The following ZNF93 variants were observed in gnomAD, a reference collection of about 807,000 sequenced individuals.
ZNF93 encodes zinc finger protein 505.
Under a neutral mutation model 45.0 loss-of-function variants are expected in ZNF93, and 29 were observed. The ratio of observed to expected loss-of-function variants is 0.64; its 90% confidence interval spans 0.48 to 0.88. The LOEUF (loss-of-function observed/expected upper bound fraction) is 0.88, where lower values mean the gene tolerates loss of function less well. ZNF93 is among the 40% of genes least tolerant of loss of function. ZNF93 has a pLI of 0.00. For missense variants in ZNF93, 578 were observed against 724.0 expected, an observed-to-expected ratio of 0.80 and a Z score of 2.31; for synonymous variants, 223 against 244.6, an observed-to-expected ratio of 0.91 and a Z score of 0.82.
intron 1 of ZNF93, among the ~76,000 whole-genome samples, 158 bp from the exon 2 acceptor site, chr19:19,915,122 A>C (rs950540443): frequency 3.9e-5 from 6 of 152,210 alleles, no homozygotes; most frequent in African/African-American, 1.4e-4. Flanking sequence ...CAGATAATAC[A>C]TTAGAGAATA....
chr19:19,930,554 G>GCAACGGGCGTCTTCCCAGA (rs1445219107), intron 3 of ZNF93, among the ~76,000 whole-genome samples: 33 of 140,374 alleles, frequency 2.4e-4, no homozygotes, highest in Non-Finnish European at 2.7e-4. Context: ...GGTCTGCTAG[G>GCAACGGGCGTCTTCCCAGA]CAACGGGCGT....
chr19:19,902,668 A>C (rs986725632), intron 1 of ZNF93, among the ~76,000 whole-genome samples: 107 of 151,744 alleles, frequency 7.1e-4, no homozygotes, highest in African/African-American at 2.5e-3. Context: ...GAGAAGGTAC[A>C]GAGCCCCAGA....
At chr19:19,921,612 T>G (rs1400232231) in intron 3 of ZNF93, among the ~76,000 whole-genome samples, 1 of 152,200 alleles carries the variant, frequency 6.6e-6, no homozygotes, top group Non-Finnish European at 1.5e-5. Context: ...ACTTGCTTTA[T>G]GAATCTGGGT....
chr19:19,912,695 A>G (rs1483467985), intron 1 of ZNF93, among the ~76,000 whole-genome samples: 2 of 152,108 alleles, frequency 1.3e-5, no homozygotes, highest in Non-Finnish European at 2.9e-5. Flanking sequence ...CTTTTATTCT[A>G]TACAATTTTT....
intron 3 of ZNF93, among the ~76,000 whole-genome samples, chr19:19,918,536 C>T (rs867184212): frequency 2.0e-5 from 3 of 152,276 alleles, no homozygotes; most frequent in African/African-American, 4.8e-5. Context: ...CACTGACTTC[C>T]ACAATGGTTG....
chr19:19,923,845 C>T (rs2063348555), intron 3 of ZNF93, among the ~76,000 whole-genome samples: 2 of 152,292 alleles, frequency 1.3e-5, no homozygotes, highest in South Asian at 4.1e-4. Context: ...AAAGAGAATT[C>T]CCTGATCCCT....
chr19:19,902,045 G>T (rs918533881), intron 1 of ZNF93, among the ~76,000 whole-genome samples: 1 of 152,064 alleles, frequency 6.6e-6, no homozygotes, highest in South Asian at 2.1e-4. Context: ...CCGAGAGCTT[G>T]CCATTGTACT....
chr19:19,929,316 G>T (rs2063365402), intron 3 of ZNF93, among the ~76,000 whole-genome samples: 1 of 152,090 alleles, frequency 6.6e-6, no homozygotes, highest in Non-Finnish European at 1.5e-5. Context: ...TATAAATTAT[G>T]CACTCTCAAG....
intron 3 of ZNF93, among the ~76,000 whole-genome samples, chr19:19,916,902 T>C (rs557078035): frequency 6.6e-6 from 1 of 152,350 alleles, no homozygotes; most frequent in South Asian, 2.1e-4. Context: ...AAGTTCTCAG[T>C]GAGAGCCACA....
intron 2 of ZNF93, among the ~76,000 whole-genome samples, chr19:19,915,709 G>T (rs1196430482): frequency 6.6e-6 from 1 of 152,066 alleles, no homozygotes. Flanking sequence ...AGGCGTTGTG[G>T]CATGCGGCTG....
chr19:19,919,242 T>C (rs1306199367), intron 3 of ZNF93, among the ~76,000 whole-genome samples: 1 of 152,248 alleles, frequency 6.6e-6, no homozygotes, highest in Non-Finnish European at 1.5e-5. Flanking sequence ...TTGTCAGGTT[T>C]GTCAAAGATC....
At position 19,901,050 on chromosome 19, in the gene ZNF93, A is replaced by T; in HGVS notation, c.-39A>T. 6.2e-7 allele frequency: 1 copy of T among 1,612,696 alleles called. No homozygotes were observed. The highest frequency in any genetic ancestry group is 8.5e-7 in the Non-Finnish European group (1 of 1,179,234). On this transcript the variant is annotated 5_prime_UTR_variant, in exon 1 of 4. Transcript: ENST00000343769. ...CCCTGTGACCTGCAGGTATTGGGAGATCCACAGCTAAGACACCAGGACCCC... is the reference window on the plus strand; with the variant it reads ...CCCTGTGACCTGCAGGTATTGGGAGTTCCACAGCTAAGACACCAGGACCCC...
chr19:19,927,914 A>G (rs566272615), intron 3 of ZNF93, among the ~76,000 whole-genome samples: 176 of 152,180 alleles, frequency 1.2e-3, no homozygotes, highest in Non-Finnish European at 2.1e-3. Context: ...CGCCAAGCTA[A>G]TTTTTATATT....
intron 1 of ZNF93, among the ~76,000 whole-genome samples, chr19:19,914,016 T>C (rs1392573393): frequency 2.8e-5 from 4 of 142,302 alleles, no homozygotes; most frequent in Admixed American, 2.0e-4. Flanking sequence ...ATATTTCTTT[T>C]TTATATCCCA....
chr19:19,924,882 C>T (rs952304321), intron 3 of ZNF93, among the ~76,000 whole-genome samples: 9 of 152,322 alleles, frequency 5.9e-5, no homozygotes, highest in African/African-American at 1.7e-4. Flanking sequence ...TGAGGCACCC[C>T]GCCTGGCCCA....
chr19:19,932,023 C>T, intron 3 of ZNF93: 1 of 360,758 alleles, frequency 2.8e-6, no homozygotes, highest in South Asian at 2.0e-5. Flanking sequence ...CGCCTGTTAT[C>T]CCAGCACTTT....
At chr19:19,907,549 C>CTT (rs59393098) in intron 1 of ZNF93, among the ~76,000 whole-genome samples, 8 of 137,546 alleles carry the variant, frequency 5.8e-5, no homozygotes, top group South Asian at 4.5e-4. Context: ...ATTTTCTTTT[C>CTT]TTTTTTTTTT....
rs372491049 is a variant in ZNF93 at position 19,923,412 on chromosome 19, C to G, written c.226+6757C>G. On this transcript the variant is annotated intron_variant, in intron 3 of 3. Coordinates refer to ENST00000343769, the MANE Select transcript of ZNF93 (RefSeq NM_031218.4). Reference sequence around the variant, plus strand: ...GGACCCACTTGAATAGGCAGTCTGTCTGTTCTCAGATCTCAAGCTCCATGC... The same window carrying G: ...GGACCCACTTGAATAGGCAGTCTGTGTGTTCTCAGATCTCAAGCTCCATGC... Among the ~76,000 whole-genome samples the G allele has an allele frequency of 5.9e-5, 9 of 152,336 alleles. No individual in the cohort carries two copies. In the East Asian group the frequency reaches 1.4e-3, roughly 23 times the overall value.
intron 1 of ZNF93, among the ~76,000 whole-genome samples, chr19:19,906,035 G>C (rs778810947): frequency 1.3e-5 from 2 of 152,006 alleles, no homozygotes; most frequent in African/African-American, 4.8e-5. Context: ...GGCCTGACAG[G>C]GTATATACCC....
Sources: gnomAD v4.1 joint callset for allele counts (sites outside exome capture counted in the v4.1 genomes callset) on GRCh38, gnomAD v4.1.1 for gene constraint, MANE v1.5 for transcripts, NCBI Gene and HGNC (gene_info 2026-07-23, HGNC 2026-07-21) for gene names.